Variants in CARD9 observed in about 807,000 individuals in gnomAD.
CARD9 encodes caspase recruitment domain family member 9, also known as caspase recruitment domain-containing protein 9.
CARD9 carries 53 observed loss-of-function variants against 66.0 expected under a neutral mutation model. That is an observed-to-expected ratio of 0.80 (90% CI 0.64 to 1.01). The LOEUF (loss-of-function observed/expected upper bound fraction) is 1.01. CARD9 is among the 50% of genes least tolerant of loss of function. The probability of loss-of-function intolerance (pLI) is 0.00; values close to 1 mark genes in which losing one functional copy is unlikely to be tolerated. For missense variants in CARD9, 769 were observed against 743.2 expected (o/e 1.03, Z -0.40); for synonymous variants, 387 against 313.8 (o/e 1.23, Z -2.47).
Position 136,363,971 on chromosome 9 carries a change from C to T in CARD9, c.*331G>A, listed in dbSNP as rs1833046248. ...CGAGCGGGAATGCGGGTCACCCGTGCTGTTTATTTACGCAGCTGTGTTTTC... is the reference window on the plus strand; with the variant it reads ...CGAGCGGGAATGCGGGTCACCCGTGTTGTTTATTTACGCAGCTGTGTTTTC... On this transcript the variant is annotated 3_prime_UTR_variant, in exon 13 of 13. Coordinates refer to ENST00000371732, the MANE Select transcript of CARD9 (RefSeq NM_052813.5). 3 of 1,089,468 alleles carry T rather than the reference C, an allele frequency of 2.8e-6. No homozygotes were observed. Among genetic ancestry groups the T allele is most frequent in the South Asian group, 1.3e-5 (1 of 74,534 alleles). 67.5% of individuals were successfully genotyped at this position (1,089,468 alleles called of 1,614,324 possible). A position where few individuals can be genotyped will look rare whatever the true frequency, so the allele number is the denominator to read the frequency against.
chr9:136,373,286 C>T (rs1833318645), intron 1 of CARD9, among the ~76,000 whole-genome samples: 1 of 152,260 alleles, frequency 6.6e-6, no homozygotes, highest in African/African-American at 2.4e-5. Flanking sequence ...GTAGACAGTC[C>T]TGGGAACACT....
At chr9:136,367,106 C>A in intron 9 of CARD9, 110 bp downstream of exon 9, 2 of 1,307,174 alleles carry the variant, frequency 1.5e-6, no homozygotes, top group Non-Finnish European at 2.1e-6. Flanking sequence ...CCAGCCCAGC[C>A]CACCGAGCAG....
In CARD9 at chr9:136,367,748, C is replaced by T. The variant is rs1255741991; in HGVS notation, c.1158G>A (p.Arg386=). ...GCTCATCCGCCTTCTCGCCCAGCTC[C>T]CGCACCTGCTTGCGCAGCGCGTCCT... ...QEKDALRKQV[R]ELGEKADELQ... Residue 386 remains arginine, a synonymous_variant, in exon 8 of 13, where the codon CGG becomes CGA. Coordinates refer to ENST00000371732, the MANE Select transcript of CARD9 (RefSeq NM_052813.5). 1 of 1,605,722 alleles carries T rather than the reference C, an allele frequency of 6.2e-7. No homozygotes were observed. The highest frequency in any genetic ancestry group is 1.7e-4 in the Middle Eastern group (1 of 6,060).
chr9:136,367,078 C>T, intron 9 of CARD9, 138 bp downstream of exon 9: 1 of 1,131,248 alleles, frequency 8.8e-7, no homozygotes, highest in Non-Finnish European at 1.3e-6. Flanking sequence ...AGCATTTGGC[C>T]ACCTGCTCTT....
At chr9:136,368,367 C>T (rs573466237) in intron 7 of CARD9, among the ~76,000 whole-genome samples, 2 of 152,254 alleles carry the variant, frequency 1.3e-5, no homozygotes, top group Non-Finnish European at 2.9e-5. Context: ...CCGTGGGAGC[C>T]CCCGCCCTGG....
intron 1 of CARD9, 29 bp from the exon 2 acceptor site, chr9:136,372,123 G>C: frequency 6.2e-7 from 1 of 1,608,560 alleles, no homozygotes. Context: ...TGCTGAGAGC[G>C]ATGCCGGCTC....
intron 6 of CARD9, 115 bp from the exon 7 acceptor site, chr9:136,369,990 G>A (rs774103518): frequency 4.1e-5 from 63 of 1,537,264 alleles, no homozygotes; most frequent in Non-Finnish European, 1.0e-5. Flanking sequence ...GGATGTCGGG[G>A]GAGGCCATAG....
intron 10 of CARD9, chr9:136,365,704 G>T: frequency 5.7e-6 from 1 of 176,254 alleles, no homozygotes; most frequent in Non-Finnish European, 1.2e-5. Flanking sequence ...GAAACCGCCA[G>T]GACCTGGGCA....
chr9:136,373,383 G>T, intron 1 of CARD9, 149 bp downstream of exon 1: 4 of 432,468 alleles, frequency 9.2e-6, no homozygotes, highest in Non-Finnish European at 1.2e-5. Flanking sequence ...TCCGCCCAGG[G>T]GCCGTGAAAG....
In CARD9 at chr9:136,367,684, C is replaced by T. The variant is rs144193548; in HGVS notation, c.1222G>A (p.Ala408Thr). 5 of 1,600,398 alleles carry T rather than the reference C, an allele frequency of 3.1e-6. No homozygotes were observed. The highest frequency in any genetic ancestry group is 4.2e-6 in the Non-Finnish European group (5 of 1,178,256). The change falls in exon 8 of 13, where the codon GCC becomes ACC. Residue 408 changes from alanine to threonine, a missense_variant. Transcript: ENST00000371732. ...QVFQCEAQLL[A>T]VEGRLRRQQL... ...TGCCGCCTGAGCCTGCCCTCCACGGCCAGTAGCTGCGCCTCACACTGGAAC... is the reference window on the plus strand; with the variant it reads ...TGCCGCCTGAGCCTGCCCTCCACGGTCAGTAGCTGCGCCTCACACTGGAAC...
intron 7 of CARD9, among the ~76,000 whole-genome samples, chr9:136,368,467 G>A (rs1833179852): frequency 6.6e-6 from 1 of 152,224 alleles, no homozygotes; most frequent in Admixed American, 6.5e-5. Context: ...CTGAGGTGGG[G>A]CTGAGACAGG....
rs1188918578 is a variant in CARD9, at chr9:136,364,538, C to G, written c.1456G>C (p.Glu486Gln). 1.9e-6 allele frequency: 3 copies of G among 1,538,954 alleles called. No homozygotes were observed. Among genetic ancestry groups the G allele is most frequent in the Non-Finnish European group, 1.7e-6 (2 of 1,146,800 alleles). Residue 486 changes from glutamate to glutamine, a missense_variant, in exon 12 of 13, where the codon GAG becomes CAG. Transcript: ENST00000371732. ...NPHDAGLSSG[E>Q]PPEKERRRLK... ...CGCCGCCGCTCCTTCTCGGGCGGCT[C>G]CCCGCTGCTCAGGCCTGCGTCCTGG...
chr9:136,367,414 C>T, intron 8 of CARD9, 157 bp from the exon 9 acceptor site: 1 of 1,007,002 alleles, frequency 9.9e-7, no homozygotes, highest in Non-Finnish European at 1.5e-6. Context: ...GCTAGGCTGC[C>T]TGATGGCCAG....
rs1458499801 is a variant in CARD9, at chr9:136,371,156, G to T, written c.323-11C>A. 3 of 1,611,918 alleles carry T rather than the reference G, an allele frequency of 1.9e-6. No homozygotes were observed. Among genetic ancestry groups the T allele is most frequent in the Non-Finnish European group, 2.5e-6 (3 of 1,179,642 alleles). On this transcript the variant is annotated splice_polypyrimidine_tract_variant and intron_variant, in intron 3 of 12. Transcript: ENST00000371732. ...ACTCCCCGGACGCGTCTGTGGGCCA[G>T]GCCAGTGTCAGATGGTGCCGTGTTC...
At chr9:136,372,802 G>A (rs1225159227) in intron 1 of CARD9, among the ~76,000 whole-genome samples, 7 of 152,228 alleles carry the variant, frequency 4.6e-5, no homozygotes, top group Admixed American at 3.3e-4. Context: ...GTCACCCCCT[G>A]CCGGCCCCGC....
At position 136,370,690 on chromosome 9, in the gene CARD9, GA is replaced by G. The variant is rs1379376784; in HGVS notation, c.638del (p.Leu213ProfsTer6). On this transcript the variant is annotated frameshift_variant, in exon 5 of 13. Transcript: ENST00000371732. LOFTEE classifies it high-confidence loss of function. The part of the protein sequence containing the change: ...NRDLQLEIDQ[L>X]KHSLMKAEDD... Reference sequence around the variant, plus strand: ...CCTCGGCCTTCATGAGGCTGTGCTTGAGCTGGTCAATCTGCAGAAGGTCCAG... The same window carrying G: ...CCTCGGCCTTCATGAGGCTGTGCTTGGCTGGTCAATCTGCAGAAGGTCCAG... The G allele has an allele frequency of 5.0e-6, 8 of 1,612,734 alleles. No homozygotes were observed. The South Asian group carries it at 8.8e-5, about 18-fold the overall frequency.
At position 136,373,541 on chromosome 9, in the gene CARD9, T is replaced by C. The variant is rs978190971; in HGVS notation, c.-26A>G. On this transcript the variant is annotated 5_prime_UTR_variant, in exon 1 of 13. Coordinates refer to ENST00000371732, the MANE Select transcript of CARD9 (RefSeq NM_052813.5). ...CACCAGACCCACCCACCTGAGGGTC[T>C]TCCAGGAGCCACCTGCACTGCAGAC... 1 of 985,662 alleles carries C rather than the reference T, an allele frequency of 1.0e-6. No homozygotes were observed. Among genetic ancestry groups the C allele is most frequent in the Non-Finnish European group, 1.2e-6 (1 of 830,026 alleles). The allele number at this position is 985,662 out of a possible 1,614,324, so 61.1% of individuals were successfully genotyped here. A position where few individuals can be genotyped will look rare whatever the true frequency, so the allele number is the denominator to read the frequency against.
intron 6 of CARD9, 28 bp from the exon 7 acceptor site, chr9:136,369,903 C>T (rs1237944250): frequency 1.2e-6 from 2 of 1,609,166 alleles, no homozygotes; most frequent in South Asian, 1.1e-5. Context: ...TCAGCCCCCA[C>T]AGGCCTGAGG....
chr9:136,366,718 C>T lies in CARD9; in HGVS notation c.1357+82G>A, dbSNP rs564666032. The T allele has an allele frequency of 2.1e-5, 30 of 1,459,880 alleles. No individual in the cohort carries two copies. In the African/African-American group the frequency reaches 2.2e-4, roughly 11 times the overall value. The allele number at this position is 1,459,880 out of a possible 1,614,324, so 90.4% of individuals were successfully genotyped here. A position where few individuals can be genotyped will look rare whatever the true frequency, so the allele number is the denominator to read the frequency against. On this transcript the variant is annotated intron_variant, in intron 10 of 12. Coordinates refer to ENST00000371732, the MANE Select transcript of CARD9 (RefSeq NM_052813.5). ...GTTGTGGGGGTTGACACAGGCATTGCGGCACGGGCTGCCTGTGCTGAAGAT... is the reference window on the plus strand; with the variant it reads ...GTTGTGGGGGTTGACACAGGCATTGTGGCACGGGCTGCCTGTGCTGAAGAT...
Sources: gnomAD v4.1 joint callset for allele counts (sites outside exome capture counted in the v4.1 genomes callset) on GRCh38, gnomAD v4.1.1 for gene constraint, MANE v1.5 for transcripts, NCBI Gene and HGNC (gene_info 2026-07-23, HGNC 2026-07-21) for gene names.